HSF2BP: variants seen among roughly 807,000 people sequenced by gnomAD.
HSF2BP encodes the protein heat shock transcription factor 2 binding protein, also known as heat shock factor 2-binding protein.
In HSF2BP, 35 loss-of-function variants were observed where a neutral mutation model predicts 35.0. That is an observed-to-expected ratio of 1.00 (90% CI 0.76 to 1.32). The LOEUF is 1.32. HSF2BP is among the 40% of genes most tolerant of loss of function. The pLI is 0.00. For missense variants in HSF2BP, 326 were observed against 321.7 expected, an observed-to-expected ratio of 1.01 and a Z score of -0.10; for synonymous variants, 114 against 117.4, an observed-to-expected ratio of 0.97 and a Z score of 0.18.
intron 5 of HSF2BP, among the ~76,000 whole-genome samples, chr21:43,632,963 T>C (rs1409539733): frequency 6.6e-6 from 1 of 152,176 alleles, no homozygotes; most frequent in African/African-American, 2.4e-5. Context: ...ATAAATACTA[T>C]ATTAACCATG....
chr21:43,615,254 G>T (rs1349975439), intron 6 of HSF2BP, among the ~76,000 whole-genome samples: 1 of 152,336 alleles, frequency 6.6e-6, no homozygotes, highest in Admixed American at 6.5e-5. Flanking sequence ...GATTTTAATG[G>T]AAACGCTTCT....
intron 7 of HSF2BP, among the ~76,000 whole-genome samples, chr21:43,613,367 C>A (rs1006121816): frequency 6.6e-6 from 1 of 152,216 alleles, no homozygotes; most frequent in Non-Finnish European, 1.5e-5. Context: ...CCCCTAGATT[C>A]TCTGAAAAGA....
At chr21:43,634,944 T>C (rs1568931139) in intron 4 of HSF2BP, among the ~76,000 whole-genome samples, 1 of 152,164 alleles carries the variant, frequency 6.6e-6, no homozygotes. Flanking sequence ...TTAGTCAGGA[T>C]ATGGTGGTTC....
At chr21:43,623,890 G>C (rs749965448) in intron 6 of HSF2BP, among the ~76,000 whole-genome samples, 3 of 152,122 alleles carry the variant, frequency 2.0e-5, no homozygotes, top group South Asian at 2.1e-4. Context: ...AACCACAATG[G>C]GGGAAACAGG....
At chr21:43,634,242 A>C (rs1244547563) in intron 4 of HSF2BP, among the ~76,000 whole-genome samples, 1 of 152,162 alleles carries the variant, frequency 6.6e-6, no homozygotes, top group Non-Finnish European at 1.5e-5. Flanking sequence ...AGGGAAACAC[A>C]GGGAATGGCC....
chr21:43,588,946 C>T (rs1327856452), intron 8 of HSF2BP, among the ~76,000 whole-genome samples: 1 of 152,170 alleles, frequency 6.6e-6, no homozygotes, highest in Non-Finnish European at 1.5e-5. Flanking sequence ...AGGGCTTTAC[C>T]CTACTTGCAA....
intron 5 of HSF2BP, among the ~76,000 whole-genome samples, chr21:43,632,916 T>C (rs1212592919): frequency 6.6e-6 from 1 of 152,124 alleles, no homozygotes; most frequent in Non-Finnish European, 1.5e-5. Context: ...CACACACATC[T>C]ACATACATGT....
intron 7 of HSF2BP, among the ~76,000 whole-genome samples, chr21:43,605,376 C>T (rs946794985): frequency 2.0e-5 from 3 of 147,628 alleles, no homozygotes; most frequent in Non-Finnish European, 1.5e-5. Flanking sequence ...CACCCCCCGA[C>T]ACACACACCA....
At chr21:43,658,745 C>T (rs186292421) in intron 1 of HSF2BP, among the ~76,000 whole-genome samples, 29 of 152,352 alleles carry the variant, frequency 1.9e-4, no homozygotes, top group Non-Finnish European at 3.7e-4. Flanking sequence ...CGCGCGTGCT[C>T]GCCAGGCCTC....
intron 8 of HSF2BP, among the ~76,000 whole-genome samples, chr21:43,591,765 T>G (rs865843812): frequency 6.6e-6 from 1 of 152,310 alleles, no homozygotes; most frequent in African/African-American, 2.4e-5. Context: ...AGTTTTAAAT[T>G]GCACACCATT....
At chr21:43,618,708 G>A (rs955714913) in intron 6 of HSF2BP, among the ~76,000 whole-genome samples, 38 of 152,054 alleles carry the variant, frequency 2.5e-4, no homozygotes, top group East Asian at 3.9e-4. Context: ...AGGCTGAGGC[G>A]GGCAGATCAC....
At chr21:43,643,827 G>A (rs957847697) in intron 4 of HSF2BP, among the ~76,000 whole-genome samples, 1 of 151,892 alleles carries the variant, frequency 6.6e-6, no homozygotes, top group African/African-American at 2.4e-5. Context: ...CCGTGGTGGC[G>A]GCCACCTGTC....
In HSF2BP at chr21:43,656,602, T is replaced by C. The variant is rs201717734; in HGVS notation, c.172A>G (p.Lys58Glu). The C allele has an allele frequency of 7.5e-6, 12 of 1,606,512 alleles. No homozygotes were observed. In the Admixed American group the frequency reaches 2.1e-4, roughly 28 times the overall value. ...GEVLESFQKL[K>E]IVEKNLERKE... The stretch of plus-strand genomic sequence containing the variant: ...GAAGACTCACTTTTTTCTACAATCT[T>C]TAATTTCTGGAAGCTCTCCAGCACC... Residue 58 changes from lysine (K) to glutamate (E), a missense_variant, in exon 3 of 9, where the codon AAG (lysine) becomes GAG (glutamate). Coordinates refer to ENST00000291560, the MANE Select transcript of HSF2BP (RefSeq NM_007031.2).
the HSF2BP span, among the ~76,000 whole-genome samples, chr21:43,459,575 A>G: frequency 1.1e-5 from 1 of 90,448 alleles, no homozygotes; most frequent in Non-Finnish European, 2.2e-5. Context: ...GTGGAAGGTG[A>G]GATTGGGAAG....
intron 7 of HSF2BP, among the ~76,000 whole-genome samples, chr21:43,598,189 T>G (rs751173986): frequency 1.3e-5 from 2 of 150,860 alleles, no homozygotes; most frequent in Non-Finnish European, 1.5e-5. Flanking sequence ...TCTTTTTTTT[T>G]GTTTTTTTGT....
intron 7 of HSF2BP, among the ~76,000 whole-genome samples, chr21:43,595,780 A>AG (rs1251768093): frequency 9.6e-6 from 1 of 104,262 alleles, no homozygotes; most frequent in African/African-American, 3.7e-5. Flanking sequence ...GTTAGAGTGC[A>AG]GTGGCGCCAT....
At chr21:43,609,391 A>G (rs1399732100) in intron 7 of HSF2BP, among the ~76,000 whole-genome samples, 1 of 152,080 alleles carries the variant, frequency 6.6e-6, no homozygotes, top group Non-Finnish European at 1.5e-5. Flanking sequence ...CACGCAATAT[A>G]CTCTTGTAAC....
intron 2 of HSF2BP, among the ~76,000 whole-genome samples, chr21:43,657,035 C>G (rs918728422): frequency 1.3e-5 from 2 of 152,158 alleles, no homozygotes; most frequent in African/African-American, 4.8e-5. Context: ...CAAGACCAGT[C>G]TGAGCAACAT....
intron 4 of HSF2BP, among the ~76,000 whole-genome samples, chr21:43,636,921 A>T (rs2082569394): frequency 1.3e-5 from 2 of 151,544 alleles, no homozygotes; most frequent in South Asian, 4.2e-4. Flanking sequence ...AAAAGAAATA[A>T]AGAAAAATGA....
Sources: allele counts gnomAD v4.1 joint callset (sites outside exome capture counted in the v4.1 genomes callset), GRCh38; gene constraint gnomAD v4.1.1; transcripts MANE v1.5; gene names NCBI Gene and HGNC (gene_info 2026-07-23, HGNC 2026-07-21).